Variants in TMEM132B observed in about 807,000 individuals in gnomAD.
TMEM132B encodes transmembrane protein 132B.
TMEM132B carries 18 observed loss-of-function variants against 90.8 expected under a neutral mutation model. That is an observed-to-expected ratio of 0.20 (90% CI 0.14 to 0.29). The LOEUF (loss-of-function observed/expected upper bound fraction) is 0.29, where lower values mean the gene tolerates loss of function less well. Ranked by LOEUF, TMEM132B falls within the 10% of genes least tolerant of loss-of-function variation. TMEM132B has a pLI of 1.00. For synonymous variants in TMEM132B, 504 were observed against 523.3 expected, an observed-to-expected ratio of 0.96 and a Z score of 0.50; for missense variants, 1,096 against 1,326.8, an observed-to-expected ratio of 0.83 and a Z score of 2.70.
intron 4 of TMEM132B, among the ~76,000 whole-genome samples, chr12:125,531,364 T>A (rs1263367434): frequency 6.6e-6 from 1 of 152,124 alleles, no homozygotes; most frequent in African/African-American, 2.4e-5. Flanking sequence ...TTTTATTTAT[T>A]TTTTTGTAGA....
At chr12:125,215,543 CT>C (rs953090732) in intron 1 of TMEM132B, among the ~76,000 whole-genome samples, 1 of 151,958 alleles carries the variant, frequency 6.6e-6, no homozygotes, top group African/African-American at 2.4e-5. Context: ...TGCCTCTTTT[CT>C]TTTTTTTCTT....
intron 3 of TMEM132B, among the ~76,000 whole-genome samples, chr12:125,513,370 G>A (rs1344623062): frequency 6.6e-6 from 1 of 152,140 alleles, no homozygotes; most frequent in Non-Finnish European, 1.5e-5. Flanking sequence ...GAGAGACAGC[G>A]AGAGCGTGCG....
intron 1 of TMEM132B, among the ~76,000 whole-genome samples, chr12:125,289,553 C>G (rs1484664239): frequency 6.6e-6 from 1 of 152,216 alleles, no homozygotes; most frequent in Non-Finnish European, 1.5e-5. Context: ...GAGGTCCACA[C>G]TATTTGACAA....
intron 3 of TMEM132B, among the ~76,000 whole-genome samples, chr12:125,489,435 G>A (rs902226950): frequency 2.6e-5 from 4 of 151,892 alleles, no homozygotes; most frequent in African/African-American, 7.3e-5. Flanking sequence ...AGAGATGGGT[G>A]TCTCACTCTT....
chr12:125,625,808 C>T (rs1886219288), intron 5 of TMEM132B, among the ~76,000 whole-genome samples: 1 of 152,218 alleles, frequency 6.6e-6, no homozygotes, highest in Non-Finnish European at 1.5e-5. Context: ...ACACTCTCAA[C>T]AACATATGGT....
rs1885604415 is a variant in TMEM132B, at chr12:125,602,884, A to G, written c.1437+18890A>G. On this transcript the variant is annotated intron_variant, in intron 5 of 8. Transcript: ENST00000682704. Reference sequence around the variant, plus strand: ...ACAGTTACTACAAAGAGAATAAAATACATAGGAATACAGCTGAAAAGGGAT... The same window carrying G: ...ACAGTTACTACAAAGAGAATAAAATGCATAGGAATACAGCTGAAAAGGGAT... Among the ~76,000 whole-genome samples the G allele has an allele frequency of 2.0e-5, 3 of 152,344 alleles. No individual in the cohort carries two copies. The South Asian group carries it at 6.2e-4, about 32-fold the overall frequency.
intron 1 of TMEM132B, among the ~76,000 whole-genome samples, chr12:125,261,001 G>A (rs1319112796): frequency 6.6e-6 from 1 of 151,906 alleles, no homozygotes; most frequent in Non-Finnish European, 1.5e-5. Flanking sequence ...ACCAAATAAT[G>A]TGTGTGCCAT....
chr12:125,229,362 C>T (rs1038166704), intron 1 of TMEM132B, among the ~76,000 whole-genome samples: 6 of 152,200 alleles, frequency 3.9e-5, no homozygotes, highest in African/African-American at 4.8e-5. Context: ...GCCTGTGATT[C>T]AGTCAGTGCG....
rs191572166 is a variant in TMEM132B, at chr12:125,500,482, A to G, written c.1107-18957A>G. On this transcript the variant is annotated intron_variant, in intron 3 of 8. Coordinates refer to ENST00000682704, the MANE Select transcript of TMEM132B (RefSeq NM_001366854.1). ...GGGACAAAGTTGGTGCCATTTGAGG[A>G]CCACTAGTTTCAAGGTGTTTCAAGG... Among the ~76,000 whole-genome samples the G allele has an allele frequency of 1.4e-3, 210 of 152,292 alleles. 2 individuals carry two copies. The highest frequency in any genetic ancestry group is 4.7e-3 in the African/African-American group (197 of 41,558).
intron 4 of TMEM132B, among the ~76,000 whole-genome samples, chr12:125,572,428 G>A (rs1021909199): frequency 6.6e-5 from 10 of 152,280 alleles, no homozygotes; most frequent in Middle Eastern, 3.4e-3. Flanking sequence ...AGGCTACGCC[G>A]TTCAAGGCAC....
At chr12:125,356,206 C>T (rs550150997) in intron 2 of TMEM132B, among the ~76,000 whole-genome samples, 1 of 152,142 alleles carries the variant, frequency 6.6e-6, no homozygotes, top group Non-Finnish European at 1.5e-5. Flanking sequence ...CTGACCTCTC[C>T]GTCTCTTAGA....
At position 125,474,152 on chromosome 12, in the gene TMEM132B, T is replaced by C. The variant is rs533822744; in HGVS notation, c.1107-45287T>C. Among the ~76,000 whole-genome samples the C allele has an allele frequency of 2.6e-5, 4 of 151,202 alleles. No homozygotes were observed. The South Asian group carries it at 8.4e-4, about 32-fold the overall frequency. ...TTCCTCTCTCTCTCGCCTTCCTGCC[T>C]TCTTTTTCTCTTTCTCTCTTCCTCT... On this transcript the variant is annotated intron_variant, in intron 3 of 8. Transcript: ENST00000682704.
intron 1 of TMEM132B, among the ~76,000 whole-genome samples, chr12:125,202,508 G>A (rs981537945): frequency 4.6e-5 from 7 of 152,340 alleles, no homozygotes; most frequent in Non-Finnish European, 8.8e-5. Context: ...GTAGGATTCC[G>A]TTTTTGTGGG....
chr12:125,468,139 CTGGGTCATAT>C lies in TMEM132B; in HGVS notation c.1107-51299_1107-51290del, dbSNP rs1881617645. Among the ~76,000 whole-genome samples the C allele has an allele frequency of 2.6e-5, 4 of 152,068 alleles. No individual in the cohort carries two copies. In the South Asian group the frequency reaches 8.3e-4, roughly 31 times the overall value. On this transcript the variant is annotated intron_variant, in intron 3 of 8. Transcript: ENST00000682704. ...GCATATGTATCTAGGAGTACAATTG[CTGGGTCATAT>C]GGTAACTCTATGTTTAACTTTTTGA... is the stretch of plus-strand genomic sequence containing the variant.
intron 3 of TMEM132B, among the ~76,000 whole-genome samples, chr12:125,425,559 A>C (rs1593139777): frequency 6.6e-6 from 1 of 152,202 alleles, no homozygotes; most frequent in East Asian, 1.9e-4. Context: ...ATCACACAGG[A>C]TAGCTCCACT....
chr12:125,414,739 A>G (rs1221379870), intron 2 of TMEM132B, among the ~76,000 whole-genome samples: 1 of 152,228 alleles, frequency 6.6e-6, no homozygotes, highest in African/African-American at 2.4e-5. Flanking sequence ...GTGACCCTCC[A>G]GATGCATACA....
Position 125,559,818 on chromosome 12 carries a change from C to G in TMEM132B, c.1294-24033C>G, listed in dbSNP as rs190140201. Among the ~76,000 whole-genome samples the G allele has an allele frequency of 2.3e-4, 35 of 152,210 alleles. No homozygotes were observed. The South Asian group carries it at 7.1e-3, about 31-fold the overall frequency. On this transcript the variant is annotated intron_variant, in intron 4 of 8. Transcript: ENST00000682704. ...TGGCTTTGTCTCCGATTGACACATG[C>G]GTCCTGAATGACAGCTCCATGTTAA...
intron 4 of TMEM132B, among the ~76,000 whole-genome samples, chr12:125,566,506 A>G (rs1240885481): frequency 1.3e-5 from 2 of 152,232 alleles, no homozygotes; most frequent in African/African-American, 4.8e-5. Context: ...AAATCTTCTT[A>G]GATGTACCAA....
chr12:125,608,109 A>G (rs1410982269), intron 5 of TMEM132B, among the ~76,000 whole-genome samples: 1 of 152,264 alleles, frequency 6.6e-6, no homozygotes, highest in Middle Eastern at 3.4e-3. Flanking sequence ...TATACTTAGG[A>G]GTGGAATTTC....
Sources: gnomAD v4.1 joint callset for allele counts (sites outside exome capture counted in the v4.1 genomes callset) on GRCh38, gnomAD v4.1.1 for gene constraint, MANE v1.5 for transcripts, NCBI Gene and HGNC (gene_info 2026-07-23, HGNC 2026-07-21) for gene names.